The following PRKAG2 variants were observed in gnomAD, a reference collection of about 807,000 sequenced individuals.
The protein encoded by PRKAG2 is 5'-AMP-activated protein kinase subunit gamma-2.
Under a neutral mutation model 69.6 loss-of-function variants are expected in PRKAG2, and 26 were observed. That is an observed-to-expected ratio of 0.37 (90% CI 0.27 to 0.52). The LOEUF is 0.52. Ranked by LOEUF, PRKAG2 falls within the 20% of genes least tolerant of loss-of-function variation. The pLI is 0.90. For missense variants in PRKAG2, 557 were observed against 740.0 expected, an observed-to-expected ratio of 0.75 and a Z score of 2.87; for synonymous variants, 293 against 285.0, an observed-to-expected ratio of 1.03 and a Z score of -0.28.
intron 1 of PRKAG2, among the ~76,000 whole-genome samples, chr7:151,818,785 G>A (rs539500668): frequency 5.9e-5 from 9 of 152,332 alleles, no homozygotes; most frequent in African/African-American, 1.9e-4. Context: ...TTCGGGGCAC[G>A]GCATGCCACT....
intron 12 of PRKAG2, 84 bp downstream of exon 12, chr7:151,565,636 G>GTT (rs1806073413): frequency 5.2e-6 from 8 of 1,528,282 alleles, no homozygotes; most frequent in Non-Finnish European, 7.2e-6. Flanking sequence ...TTTTCCCCAC[G>GTT]TATCTCCTGT....
intron 5 of PRKAG2, among the ~76,000 whole-genome samples, chr7:151,624,903 T>A (rs137973952): frequency 6.6e-6 from 1 of 152,340 alleles, no homozygotes; most frequent in South Asian, 2.1e-4. Context: ...AGAAATAACA[T>A]TGACCACCTG....
chr7:151,842,360 A>G (rs552761501), intron 1 of PRKAG2, among the ~76,000 whole-genome samples: 105 of 94,290 alleles, frequency 1.1e-3, no homozygotes, highest in African/African-American at 4.5e-3. Flanking sequence ...AATGGTAGGT[A>G]GGGATGGTAG....
At chr7:151,599,034 T>C (rs1268636935) in intron 5 of PRKAG2, among the ~76,000 whole-genome samples, 2 of 152,062 alleles carry the variant, frequency 1.3e-5, no homozygotes, top group Non-Finnish European at 2.9e-5. Flanking sequence ...GTATTTTTAG[T>C]AGAGACGGGG....
chr7:151,578,775 A>T (rs1809633614), intron 6 of PRKAG2, among the ~76,000 whole-genome samples: 1 of 152,232 alleles, frequency 6.6e-6, no homozygotes, highest in Non-Finnish European at 1.5e-5. Context: ...AAAAGGCACC[A>T]AAATACACTG....
At chr7:151,566,770 C>T (rs116729548) in intron 11 of PRKAG2, among the ~76,000 whole-genome samples, 53 of 152,028 alleles carry the variant, frequency 3.5e-4, no homozygotes, top group African/African-American at 1.3e-3. Context: ...TAGCGAATTC[C>T]CTGTTGCACA....
intron 3 of PRKAG2, among the ~76,000 whole-genome samples, chr7:151,714,392 G>A (rs974374455): frequency 2.1e-5 from 3 of 145,060 alleles, no homozygotes; most frequent in African/African-American, 7.8e-5. Flanking sequence ...GCCCCGCCGT[G>A]CCTAGGTGGA....
At chr7:151,658,813 C>G (rs1335682428) in intron 4 of PRKAG2, among the ~76,000 whole-genome samples, 4 of 152,134 alleles carry the variant, frequency 2.6e-5, no homozygotes, top group Non-Finnish European at 4.4e-5. Context: ...AAACGAAAAG[C>G]CAGTTTCTAT....
intron 5 of PRKAG2, among the ~76,000 whole-genome samples, chr7:151,616,838 A>G (rs917220171): frequency 3.9e-5 from 6 of 152,218 alleles, no homozygotes; most frequent in South Asian, 2.1e-4. Flanking sequence ...CCCAAAGAAC[A>G]TGGCATGTTT....
intron 5 of PRKAG2, among the ~76,000 whole-genome samples, chr7:151,630,846 G>T (rs1186106486): frequency 6.6e-6 from 1 of 152,222 alleles, no homozygotes; most frequent in East Asian, 1.9e-4. Context: ...TTATTTTTCT[G>T]TAGGATGAAA....
chr7:151,568,270 A>G (rs1584954721), intron 11 of PRKAG2, among the ~76,000 whole-genome samples: 1 of 152,178 alleles, frequency 6.6e-6, no homozygotes, highest in East Asian at 1.9e-4. Context: ...TTTTTCTATC[A>G]CTGCTGCAGT....
chr7:151,698,512 G>T (rs150704128), intron 3 of PRKAG2, among the ~76,000 whole-genome samples: 80 of 152,128 alleles, frequency 5.3e-4, no homozygotes, highest in African/African-American at 1.7e-3. Flanking sequence ...ATGAGTTCTC[G>T]CTCTATGAGT....
intron 3 of PRKAG2, among the ~76,000 whole-genome samples, chr7:151,692,313 C>T (rs1178398361): frequency 6.6e-6 from 1 of 152,114 alleles, no homozygotes; most frequent in Non-Finnish European, 1.5e-5. Context: ...GAATTAATCT[C>T]AAATGCATTT....
chr7:151,838,927 A>G (rs912716677), intron 1 of PRKAG2, among the ~76,000 whole-genome samples: 2 of 151,454 alleles, frequency 1.3e-5, no homozygotes, highest in African/African-American at 4.9e-5. Context: ...AGACAGAAGA[A>G]TCGCTTGAAC....
intron 1 of PRKAG2, among the ~76,000 whole-genome samples, chr7:151,868,972 C>A (rs573692849): frequency 6.6e-6 from 1 of 152,280 alleles, no homozygotes; most frequent in Non-Finnish European, 1.5e-5. Context: ...GATGAAGAGG[C>A]GTTGGCAAAT....
At chr7:151,754,183 G>A (rs779100729) in intron 3 of PRKAG2, among the ~76,000 whole-genome samples, 3 of 152,212 alleles carry the variant, frequency 2.0e-5, no homozygotes, top group Non-Finnish European at 4.4e-5. Context: ...GGAATTTTTC[G>A]TTGGCTTCTC....
At chr7:151,623,677 G>A (rs1188920014) in intron 5 of PRKAG2, among the ~76,000 whole-genome samples, 1 of 152,096 alleles carries the variant, frequency 6.6e-6, no homozygotes, top group Non-Finnish European at 1.5e-5. Context: ...TACATATGAA[G>A]AAACCAAAGC....
rs2078577837 is a variant in PRKAG2 at position 151,814,465 on chromosome 7, G to A, written c.115-27924C>T. The A allele has an allele frequency of 4.1e-6, 5 of 1,230,518 alleles. No homozygotes were observed. Among genetic ancestry groups the A allele is most frequent in the East Asian group, 3.2e-5 (1 of 31,692 alleles). 76.2% of individuals were successfully genotyped at this position (1,230,518 alleles called of 1,614,324 possible). On this transcript the variant is annotated intron_variant, in intron 1 of 15. Coordinates refer to ENST00000287878, the MANE Select transcript of PRKAG2 (RefSeq NM_016203.4). The surrounding 1 kb of genome is among the most constrained non-coding windows in gnomAD (Gnocchi z 4.8). ...CTTCTCTTCCAGATGCTAATAAGCA[G>A]TGCAGGCTTGTAAGCTGCTGGATGG...
chr7:151,860,613 G>A (rs2151905791), intron 1 of PRKAG2, among the ~76,000 whole-genome samples: 1 of 152,014 alleles, frequency 6.6e-6, no homozygotes, highest in African/African-American at 2.4e-5. Flanking sequence ...GAGATGACTT[G>A]GGAGCCTGAG....
Sources: allele counts gnomAD v4.1 joint callset (sites outside exome capture counted in the v4.1 genomes callset), GRCh38; gene constraint gnomAD v4.1.1; non-coding constraint Gnocchi (gnomAD v3.1); transcripts MANE v1.5; gene names NCBI Gene and HGNC (gene_info 2026-07-23, HGNC 2026-07-21).